AP3S2: variants seen among roughly 807,000 people sequenced by gnomAD.
The protein encoded by AP3S2 is adaptor related protein complex 3 subunit sigma 2.
Under a neutral mutation model 23.4 loss-of-function variants are expected in AP3S2, and 22 were observed. The ratio of observed to expected loss-of-function variants is 0.94; its 90% confidence interval spans 0.67 to 1.34. The LOEUF (loss-of-function observed/expected upper bound fraction) is 1.34, where lower values mean the gene tolerates loss of function less well. AP3S2 is among the 40% of genes most tolerant of loss of function. The probability of loss-of-function intolerance (pLI) is 0.00; values close to 1 mark genes in which losing one functional copy is unlikely to be tolerated. For synonymous variants in AP3S2, 86 were observed against 87.1 expected (o/e 0.99, Z 0.07); for missense variants, 241 against 236.9 (o/e 1.02, Z -0.11).
At chr15:89,877,004 GA>G (rs1458750570) in intron 3 of AP3S2, 3 of 276,382 alleles carry the variant, frequency 1.1e-5, no homozygotes, top group Non-Finnish European at 2.1e-5. Flanking sequence ...TGAACAAGAG[GA>G]AAAAAGTCAA....
At chr15:89,847,227 T>C (rs1185585738) in intron 4 of AP3S2, among the ~76,000 whole-genome samples, 1 of 148,812 alleles carries the variant, frequency 6.7e-6, no homozygotes, top group Admixed American at 6.7e-5. Flanking sequence ...AAAAAAAAAG[T>C]TTAAAAACTA....
At chr15:89,847,158 C>T (rs1895513756) in intron 4 of AP3S2, among the ~76,000 whole-genome samples, 1 of 151,788 alleles carries the variant, frequency 6.6e-6, no homozygotes, top group Non-Finnish European at 1.5e-5. Flanking sequence ...AGGAGGATTG[C>T]TTGAGCCCAG....
At chr15:89,886,579 C>A (rs1345015085) in intron 3 of AP3S2, 1 of 152,158 alleles carries the variant, frequency 6.6e-6, no homozygotes, top group African/African-American at 2.4e-5. Context: ...ATATATGCTG[C>A]TGAGGCAAGC....
chr15:89,841,298 A>G (rs1327818933), intron 4 of AP3S2, among the ~76,000 whole-genome samples: 1 of 152,236 alleles, frequency 6.6e-6, no homozygotes, highest in Non-Finnish European at 1.5e-5. Context: ...CATTTTTGTT[A>G]TAACTACAGG....
At chr15:89,867,849 C>T (rs1385847318) in intron 4 of AP3S2, among the ~76,000 whole-genome samples, 3 of 125,446 alleles carry the variant, frequency 2.4e-5, no homozygotes, top group South Asian at 2.8e-4. Context: ...GGAGCCTCTC[C>T]GCCCGGCAGC....
chr15:89,835,703 A>G, intron 5 of AP3S2, 60 bp from the exon 6 acceptor site: 1 of 62,224 alleles, frequency 1.6e-5, no homozygotes, highest in South Asian at 3.0e-4. Context: ...CTTAATGCTA[A>G]AAAAAAAAAA....
Position 89,893,963 on chromosome 15 carries a change from G to A in AP3S2, c.-14C>T. ...CGCCTGAATCATCTTTGCCAGCCAC[G>A]GTTCTCTCAGCACCGGCTACTCCCA... is the stretch of plus-strand genomic sequence containing the variant. On this transcript the variant is annotated 5_prime_UTR_variant, in exon 1 of 6. Transcript: ENST00000336418. The A allele has an allele frequency of 2.6e-6, 4 of 1,551,030 alleles. No homozygotes were observed. The highest frequency in any genetic ancestry group is 3.5e-6 in the Non-Finnish European group (4 of 1,146,916).
At chr15:89,885,391 C>T (rs760424558) in intron 3 of AP3S2, among the ~76,000 whole-genome samples, 1 of 152,014 alleles carries the variant, frequency 6.6e-6, no homozygotes, top group Non-Finnish European at 1.5e-5. Flanking sequence ...TTAGTAGAGA[C>T]GAAGTTTCAC....
chr15:89,849,582 T>G lies in AP3S2; in HGVS notation c.346-11860A>C, dbSNP rs779990161. On this transcript the variant is annotated intron_variant, in intron 4 of 5. Coordinates refer to ENST00000336418, the MANE Select transcript of AP3S2 (RefSeq NM_005829.5). Reference sequence around the variant, plus strand: ...GGGGGTTTCACTATGTTAGCCAGGATGGTCTCGATCTCCTGACCTAGTGAT... The same window carrying G: ...GGGGGTTTCACTATGTTAGCCAGGAGGGTCTCGATCTCCTGACCTAGTGAT... Among the ~76,000 whole-genome samples, 4 of 152,122 alleles carry G rather than the reference T, an allele frequency of 2.6e-5. No individual in the cohort carries two copies. The East Asian group carries it at 7.7e-4, about 29-fold the overall frequency.
chr15:89,872,104 GTGA>G lies in AP3S2; in HGVS notation c.274-561_274-559del, dbSNP rs1371619330. Among the ~76,000 whole-genome samples, 3 of 137,690 alleles carry G rather than the reference GTGA, an allele frequency of 2.2e-5. No homozygotes were observed. The East Asian group carries it at 6.3e-4, about 29-fold the overall frequency. The allele number at this position is 137,690 out of a possible 152,430, so 90.3% of individuals were successfully genotyped here. A position where few individuals can be genotyped will look rare whatever the true frequency, so the allele number is the denominator to read the frequency against. On this transcript the variant is annotated intron_variant, in intron 3 of 5. Transcript: ENST00000336418. ...ACTGCACTCCAGCCTGAGTGACAGA[GTGA>G]GAGTCTCTCAAAAAAAAAAAAAGAA...
chr15:89,859,094 G>A (rs765126573), intron 4 of AP3S2, among the ~76,000 whole-genome samples: 1 of 151,596 alleles, frequency 6.6e-6, no homozygotes, highest in South Asian at 2.1e-4. Context: ...CTGGGCTCAA[G>A]TGATCCTCTC....
rs141533693 is a variant in AP3S2, at chr15:89,849,685, A to T, written c.346-11963T>A. On this transcript the variant is annotated intron_variant, in intron 4 of 5. Transcript: ENST00000336418. ...CCCAGCCTATGAATTGTACTTTTTT[A>T]AAAAAAAATTATACTTTAAGTTCTG... is the stretch of plus-strand genomic sequence containing the variant. Among the ~76,000 whole-genome samples, 484 of 152,008 alleles carry T rather than the reference A, an allele frequency of 3.2e-3. 2 individuals carry two copies. Among genetic ancestry groups the T allele is most frequent in the East Asian group, 0.012 (61 of 5,178 alleles).
intron 4 of AP3S2, among the ~76,000 whole-genome samples, chr15:89,856,821 C>T (rs1895850643): frequency 6.7e-6 from 1 of 148,744 alleles, no homozygotes; most frequent in Non-Finnish European, 1.5e-5. Flanking sequence ...TACAGTGAGC[C>T]AAGATCATGC....
intron 4 of AP3S2, among the ~76,000 whole-genome samples, chr15:89,861,850 A>G (rs1303628748): frequency 1.3e-5 from 2 of 152,208 alleles, no homozygotes; most frequent in Non-Finnish European, 2.9e-5. Flanking sequence ...ACCTGGTTCA[A>G]AGAGATCACA....
rs561121771 is a variant in AP3S2 at position 89,880,865 on chromosome 15, C to G, written c.273+7656G>C. On this transcript the variant is annotated intron_variant, in intron 3 of 5. Transcript: ENST00000336418. ...TGCTAGGAACATACCATTGTTGACA[C>G]CACAGTCAACAAGTCATGTTCTTAT... Among the ~76,000 whole-genome samples the G allele has an allele frequency of 3.3e-5, 5 of 152,216 alleles. No homozygotes were observed. In the South Asian group the frequency reaches 1.0e-3, roughly 32 times the overall value.
intron 5 of AP3S2, 69 bp from the exon 6 acceptor site, chr15:89,835,712 A>G: frequency 6.7e-7 from 1 of 1,502,352 alleles, no homozygotes; most frequent in Non-Finnish European, 8.9e-7. Flanking sequence ...AAAAAAAAAA[A>G]AAAAAAAAAA....
rs11314336 is a variant in AP3S2, at chr15:89,847,375, CAAAAAAA to C, written c.346-9660_346-9654del. 4.5e-3 allele frequency among the ~76,000 whole-genome samples: 281 copies of C among 62,614 alleles called. 1 individual carries two copies. Among genetic ancestry groups the C allele is most frequent in the South Asian group, 0.034 (48 of 1,402 alleles). The allele number at this position is 62,614 out of a possible 152,430, so 41.1% of individuals were successfully genotyped here. A position where few individuals can be genotyped will look rare whatever the true frequency, so the allele number is the denominator to read the frequency against. Reference sequence around the variant, plus strand: ...TGGGAGACAGGGCGAGACCCTGTTACAAAAAAAAAAAAAAAAAAAAAAAAAAAAGTAG... The same window carrying C: ...TGGGAGACAGGGCGAGACCCTGTTACAAAAAAAAAAAAAAAAAAAAAGTAG... On this transcript the variant is annotated intron_variant, in intron 4 of 5. Transcript: ENST00000336418.
chr15:89,859,139 G>T (rs145574838), intron 4 of AP3S2, among the ~76,000 whole-genome samples: 3 of 151,204 alleles, frequency 2.0e-5, no homozygotes, highest in Non-Finnish European at 1.5e-5. Flanking sequence ...GATTATCGTC[G>T]TGAGCCTCCA....
chr15:89,862,877 T>A (rs1415920723), intron 4 of AP3S2, among the ~76,000 whole-genome samples: 2 of 152,096 alleles, frequency 1.3e-5, no homozygotes, highest in Non-Finnish European at 2.9e-5. Context: ...ATTACCTACA[T>A]AGATAATAGT....
Sources: allele counts gnomAD v4.1 joint callset (sites outside exome capture counted in the v4.1 genomes callset), GRCh38; gene constraint gnomAD v4.1.1; transcripts MANE v1.5; gene names NCBI Gene and HGNC (gene_info 2026-07-23, HGNC 2026-07-21).